Variants in TTC21A observed in about 807,000 individuals in gnomAD.
TTC21A encodes the protein tetratricopeptide repeat domain 21A, also known as tetratricopeptide repeat protein 21A.
In TTC21A, 128 loss-of-function variants were observed where a neutral mutation model predicts 156.4. The ratio of observed to expected loss-of-function variants is 0.82; its 90% CI spans 0.71 to 0.95. TTC21A has a LOEUF of 0.95. TTC21A is among the 40% of genes least tolerant of loss of function. TTC21A has a pLI of 0.00. For missense variants in TTC21A, 1,435 were observed against 1,602.3 expected (o/e 0.90, Z 1.78); for synonymous variants, 587 against 617.1 (o/e 0.95, Z 0.72).
In TTC21A at chr3:39,117,988, G is replaced by T. The variant is rs560232194; in HGVS notation, c.717-81G>T. On this transcript the variant is annotated intron_variant, in intron 6 of 28. Coordinates refer to ENST00000683103, the MANE Select transcript of TTC21A (RefSeq NM_001366900.1). ...GAAGAGGGGAGAATGGATATTCAAA[G>T]ACAATCAGAAGTCGCCAACACACCA... 23 of 973,498 alleles carry T rather than the reference G, an allele frequency of 2.4e-5. 1 individual carries two copies. Among genetic ancestry groups the T allele is most frequent in the African/African-American group, 1.4e-4 (9 of 62,128 alleles). 60.3% of individuals were successfully genotyped at this position (973,498 alleles called of 1,614,324 possible).
At chr3:39,120,947 A>G (rs1224352019) in intron 8 of TTC21A, 50 bp from the exon 9 acceptor site, 1 of 1,510,012 alleles carries the variant, frequency 6.6e-7, no homozygotes, top group Non-Finnish European at 9.0e-7. Context: ...CCTTGCTCAT[A>G]CAGGCTGGAC....
In TTC21A at chr3:39,130,015, A is replaced by G; in HGVS notation, c.2136-64A>G. The stretch of plus-strand genomic sequence containing the variant: ...AATCAGTGGGAAGGAAGTGAAGGAG[A>G]TGATTTCAGGAACATGAGGTGTGTG... On this transcript the variant is annotated intron_variant, in intron 15 of 28. Transcript: ENST00000683103. The surrounding 1 kb of genome is among the most constrained non-coding windows in gnomAD (Gnocchi z 4.5). 1 of 1,480,840 alleles carries G rather than the reference A, an allele frequency of 6.8e-7. No homozygotes were observed. The highest frequency in any genetic ancestry group is 9.4e-7 in the Non-Finnish European group (1 of 1,065,918). The allele number at this position is 1,480,840 out of a possible 1,614,324, so 91.7% of individuals were successfully genotyped here. A position where few individuals can be genotyped will look rare whatever the true frequency, so the allele number is the denominator to read the frequency against.
chr3:39,125,905 T>A (rs1038499743), intron 11 of TTC21A, among the ~76,000 whole-genome samples: 2 of 152,234 alleles, frequency 1.3e-5, no homozygotes, highest in African/African-American at 4.8e-5. Context: ...AAGAAGTATG[T>A]TAGTCTTTAC....
chr3:39,122,490 C>T (rs1038169849), intron 9 of TTC21A, among the ~76,000 whole-genome samples: 2 of 152,120 alleles, frequency 1.3e-5, no homozygotes, highest in African/African-American at 2.4e-5. Context: ...ATTTAGTAGA[C>T]CAGCTTTCCC....
intron 3 of TTC21A, among the ~76,000 whole-genome samples, chr3:39,110,582 G>C (rs1330598607): frequency 6.6e-6 from 1 of 152,180 alleles, no homozygotes; most frequent in Non-Finnish European, 1.5e-5. Context: ...TGGCCTGCCT[G>C]CTCAGCACAC....
At chr3:39,118,032 A>G (rs1020276197) in intron 6 of TTC21A, 37 bp from the exon 7 acceptor site, 4 of 1,496,110 alleles carry the variant, frequency 2.7e-6, no homozygotes, top group South Asian at 1.1e-5. Flanking sequence ...TTGCCTATCA[A>G]TACTCTCAAT....
At chr3:39,109,349 C>A in intron 2 of TTC21A, 135 bp downstream of exon 2, 1 of 951,496 alleles carries the variant, frequency 1.1e-6, no homozygotes, top group Non-Finnish European at 1.5e-6. Flanking sequence ...GCTGGATTCC[C>A]ACGGGAATCC....
rs1196435970 is a variant in TTC21A at position 39,138,273 on chromosome 3, T to A, written c.3682T>A (p.Tyr1228Asn). 1 of 1,614,094 alleles carries A rather than the reference T, an allele frequency of 6.2e-7. No homozygotes were observed. Among genetic ancestry groups the A allele is most frequent in the South Asian group, 1.1e-5 (1 of 91,076 alleles). ...RRCVQYNKSC[Y>N]KAYEYMGFIM... ...TAACTGGCTTTCCCTGCAGTCCTGC[T>A]ACAAGGCCTATGAGTACATGGGCTT... The change falls in exon 27 of 29, where the codon TAC becomes AAC. Residue 1228 changes from tyrosine (Y) to asparagine (N), a missense_variant. Physicochemically the swap from Tyr to Asn is moderately radical, Grantham distance 143. Coordinates refer to ENST00000683103, the MANE Select transcript of TTC21A (RefSeq NM_001366900.1).
rs774203139 is a variant in TTC21A at position 39,138,548 on chromosome 3, C to G, written c.3797-8C>G. On this transcript the variant is annotated splice_region_variant and splice_polypyrimidine_tract_variant and intron_variant, in intron 27 of 28. Coordinates refer to ENST00000683103, the MANE Select transcript of TTC21A (RefSeq NM_001366900.1). ...TGCCACCATCTTTGCTCTCCATGTC[C>G]CCGGTAGGCTTCAAACTTGCTTTCA... is the stretch of plus-strand genomic sequence containing the variant. 2 of 1,614,158 alleles carry G rather than the reference C, an allele frequency of 1.2e-6. No homozygotes were observed. The highest frequency in any genetic ancestry group is 1.7e-6 in the Non-Finnish European group (2 of 1,180,014).
rs1193327290 is a variant in TTC21A at position 39,138,432 on chromosome 3, G to A, written c.3796+45G>A. The A allele has an allele frequency of 4.3e-6, 7 of 1,613,566 alleles. No homozygotes were observed. The East Asian group carries it at 8.9e-5, about 21-fold the overall frequency. On this transcript the variant is annotated intron_variant, in intron 27 of 28. Coordinates refer to ENST00000683103, the MANE Select transcript of TTC21A (RefSeq NM_001366900.1). ...TGCACGTGAATGGACGTGGGAGGGA[G>A]GTGGGCAGGAGGGCCCCCACCATGA...
At position 39,138,813 on chromosome 3, in the gene TTC21A, T is replaced by C. The variant is rs1463367436; in HGVS notation, c.*25T>C. 6.2e-7 allele frequency: 1 copy of C among 1,600,122 alleles called. No individual in the cohort carries two copies. Among genetic ancestry groups the C allele is most frequent in the Non-Finnish European group, 8.6e-7 (1 of 1,168,520 alleles). ...GCTGGGGTCAAGGGGCCTGGACCAG[T>C]AGAAGCCATCAACCTACTGAAGTTG... On this transcript the variant is annotated 3_prime_UTR_variant, in exon 29 of 29. Transcript: ENST00000683103.
At chr3:39,120,566 A>C (rs1465262371) in intron 8 of TTC21A, among the ~76,000 whole-genome samples, 1 of 152,220 alleles carries the variant, frequency 6.6e-6, no homozygotes, top group Non-Finnish European at 1.5e-5. Context: ...GACCCCAGGA[A>C]CCAGAACTGT....
At position 39,128,750 on chromosome 3, in the gene TTC21A, G is replaced by T. The variant is rs1366735673; in HGVS notation, c.1714G>T (p.Ala572Ser). 1 of 1,613,962 alleles carries T rather than the reference G, an allele frequency of 6.2e-7. No homozygotes were observed. Among genetic ancestry groups the T allele is most frequent in the African/African-American group, 1.3e-5 (1 of 74,882 alleles). Residue 572 changes from alanine (A) to serine (S), a missense_variant, in exon 14 of 29, where the codon GCC (alanine) becomes TCC (serine). By Grantham distance (99) the Ala-to-Ser change is moderately conservative. Coordinates refer to ENST00000683103, the MANE Select transcript of TTC21A (RefSeq NM_001366900.1). Reference sequence around the variant, plus strand: ...TCACCCCCTCTACCACCTCATCAAGGCCAGGGCCCTCAACAAGGCTGGAGA... The same window carrying T: ...TCACCCCCTCTACCACCTCATCAAGTCCAGGGCCCTCAACAAGGCTGGAGA... ...RDHPLYHLIKARALNKAGDYP... is the reference protein window; with the variant it reads ...RDHPLYHLIKSRALNKAGDYP...
In TTC21A at chr3:39,136,948, A is replaced by G. The variant is rs1344713892; in HGVS notation, c.3145A>G (p.Lys1049Glu). The G allele has an allele frequency of 6.2e-7, 1 of 1,614,214 alleles. No individual in the cohort carries two copies. The highest frequency in any genetic ancestry group is 8.5e-7 in the Non-Finnish European group (1 of 1,180,030). ...EALKFLNKAR[K>E]DSTWGQSAIY... ...CTTAAAGTTCCTGAACAAGGCACGCAAGGACAGCACTTGGGGCCAGAGCGC... is the reference window on the plus strand; with the variant it reads ...CTTAAAGTTCCTGAACAAGGCACGCGAGGACAGCACTTGGGGCCAGAGCGC... The change falls in exon 24 of 29, where the codon AAG (lysine) becomes GAG (glutamate). Residue 1049 changes from lysine to glutamate, a missense_variant. By Grantham distance (56) the Lys-to-Glu change is moderately conservative. Coordinates refer to ENST00000683103, the MANE Select transcript of TTC21A (RefSeq NM_001366900.1).
chr3:39,125,044 T>A lies in TTC21A; in HGVS notation c.1094-19T>A. The A allele has an allele frequency of 6.5e-7, 1 of 1,534,872 alleles. No homozygotes were observed. Among genetic ancestry groups the A allele is most frequent in the Non-Finnish European group, 9.0e-7 (1 of 1,107,776 alleles). On this transcript the variant is annotated intron_variant, in intron 9 of 28. Transcript: ENST00000683103. ...TGCTTCAGTGTTAGCTGCTCATCATTGTTTTGTCCCATTTACAGGGATCAT... is the reference window on the plus strand; with the variant it reads ...TGCTTCAGTGTTAGCTGCTCATCATAGTTTTGTCCCATTTACAGGGATCAT...
chr3:39,130,349 G>T lies in TTC21A; in HGVS notation c.2310G>T (p.Gln770His). 2 of 1,612,368 alleles carry T rather than the reference G, an allele frequency of 1.2e-6. No homozygotes were observed. The highest frequency in any genetic ancestry group is 1.7e-6 in the Non-Finnish European group (2 of 1,179,064). Reference protein sequence around the residue: ...RIGHAYVKAHQYTEAIEYYEA... With the variant: ...RIGHAYVKAHHYTEAIEYYEA... The stretch of plus-strand genomic sequence containing the variant: ...GGCACGCTTATGTGAAGGCCCACCA[G>T]TATACTGAGGTCAGGCTGGGCTAGG... Residue 770 changes from glutamine to histidine, a missense_variant, in exon 17 of 29, where the codon CAG (glutamine) becomes CAT (histidine). Coordinates refer to ENST00000683103, the MANE Select transcript of TTC21A (RefSeq NM_001366900.1). The surrounding 1 kb of genome is among the most constrained non-coding windows in gnomAD (Gnocchi z 4.5).
In TTC21A at chr3:39,138,287, G is replaced by A; in HGVS notation, c.3696G>A (p.Glu1232=). 5 of 1,614,184 alleles carry A rather than the reference G, an allele frequency of 3.1e-6. No homozygotes were observed. Among genetic ancestry groups the A allele is most frequent in the East Asian group, 2.2e-5 (1 of 44,882 alleles). Residue 1232 remains glutamate (E), a synonymous_variant, in exon 27 of 29, where the codon GAG becomes GAA. Transcript: ENST00000683103. ...QYNKSCYKAY[E]YMGFIMEKEQ... Reference sequence around the variant, plus strand: ...TGCAGTCCTGCTACAAGGCCTATGAGTACATGGGCTTCATCATGGAGAAGG... The same window carrying A: ...TGCAGTCCTGCTACAAGGCCTATGAATACATGGGCTTCATCATGGAGAAGG...
At position 39,118,324 on chromosome 3, in the gene TTC21A, CTT is replaced by C. The variant is rs558244896; in HGVS notation, c.801+173_801+174del. 4.6e-4 allele frequency: 298 copies of C among 647,746 alleles called. No homozygotes were observed. The African/African-American group carries it at 4.8e-3, about 10-fold the overall frequency. 40.1% of individuals were successfully genotyped at this position (647,746 alleles called of 1,614,324 possible). A position where few individuals can be genotyped will look rare whatever the true frequency, so the allele number is the denominator to read the frequency against. ...CAAGGAGGCCTGCTCTGGTTTGACT[CTT>C]TGAGTTGTGTAGCTTGGGAGTCAGG... is the stretch of plus-strand genomic sequence containing the variant. On this transcript the variant is annotated intron_variant, in intron 7 of 28. Coordinates refer to ENST00000683103, the MANE Select transcript of TTC21A (RefSeq NM_001366900.1).
Position 39,120,992 on chromosome 3 carries a change from T to G in TTC21A, c.901-5T>G. 6.3e-7 allele frequency: 1 copy of G among 1,593,132 alleles called. No individual in the cohort carries two copies. Among genetic ancestry groups the G allele is most frequent in the Non-Finnish European group, 8.6e-7 (1 of 1,167,392 alleles). ...TCCCAATTCCCACCTTCCTGTTTCTTGCAGTGTGGGAGTCACCAGGTGATT... is the reference window on the plus strand; with the variant it reads ...TCCCAATTCCCACCTTCCTGTTTCTGGCAGTGTGGGAGTCACCAGGTGATT... On this transcript the variant is annotated splice_region_variant and splice_polypyrimidine_tract_variant and intron_variant, in intron 8 of 28. Coordinates refer to ENST00000683103, the MANE Select transcript of TTC21A (RefSeq NM_001366900.1).
Sources: gnomAD v4.1 joint callset for allele counts (sites outside exome capture counted in the v4.1 genomes callset) on GRCh38, gnomAD v4.1.1 for gene constraint, Gnocchi (gnomAD v3.1) non-coding constraint, MANE v1.5 for transcripts, NCBI Gene and HGNC (gene_info 2026-07-23, HGNC 2026-07-21) for gene names.